The following ZAN variants were observed in gnomAD, a reference collection of about 807,000 sequenced individuals.
ZAN encodes the protein zonadhesin (gene/pseudogene).
A neutral mutation model predicts 286.2 loss-of-function variants in ZAN; 260 were observed. The ratio of observed to expected loss-of-function variants is 0.91; its 90% confidence interval spans 0.82 to 1.01. ZAN has a LOEUF of 1.01. ZAN is among the 50% of genes least tolerant of loss of function. The pLI is 0.00. For missense variants in ZAN, 3,410 were observed against 3,639.2 expected, an observed-to-expected ratio of 0.94 and a Z score of 1.62; for synonymous variants, 1,368 against 1,417.5, an observed-to-expected ratio of 0.97 and a Z score of 0.79.
chr7:100,766,780 G>GAGGGGCAGC, intron 24 of ZAN, 114 bp downstream of exon 24: 8 of 1,457,758 alleles, frequency 5.5e-6, no homozygotes, highest in Non-Finnish European at 6.4e-6. Flanking sequence ...CAGGGCCTGG[G>GAGGGGCAGC]AGGGGCAGCA....
In ZAN at chr7:100,787,982, T is replaced by C; in HGVS notation, c.7073T>C (p.Ile2358Thr). The change falls in exon 38 of 48, where the codon ATC becomes ACC. Residue 2358 changes from isoleucine to threonine, a missense_variant. By Grantham distance (89) the Ile-to-Thr change is moderately conservative. Transcript: ENST00000613979. Reference protein sequence around the residue: ...RLQGRMTYVLIKTVDVLPEGV... With the variant: ...RLQGRMTYVLTKTVDVLPEGV... Reference sequence around the variant, plus strand: ...CAAGGCCGCATGACCTATGTTCTGATCAAGACTGTGGACGTACTGCCTGAG... The same window carrying C: ...CAAGGCCGCATGACCTATGTTCTGACCAAGACTGTGGACGTACTGCCTGAG... 2.0e-6 allele frequency: 3 copies of C among 1,520,536 alleles called. No homozygotes were observed. The highest frequency in any genetic ancestry group is 1.8e-6 in the Non-Finnish European group (2 of 1,107,488). 94.2% of individuals were successfully genotyped at this position (1,520,536 alleles called of 1,614,324 possible).
At chr7:100,750,261 C>T (rs1223298997) in intron 11 of ZAN, among the ~76,000 whole-genome samples, 1 of 151,858 alleles carries the variant, frequency 6.6e-6, no homozygotes, top group Non-Finnish European at 1.5e-5. Context: ...CTCAGACTCC[C>T]GAGTAGCTGG....
In ZAN at chr7:100,750,579, G is replaced by A. The variant is rs765078316; in HGVS notation, c.1250-46G>A. 5.6e-6 allele frequency: 9 copies of A among 1,601,542 alleles called. No homozygotes were observed. The East Asian group carries it at 1.6e-4, about 28-fold the overall frequency. On this transcript the variant is annotated intron_variant, in intron 11 of 47. Coordinates refer to ENST00000613979, the MANE Select transcript of ZAN (RefSeq NM_003386.3). ...GCTTTGCTAAAGCAGCAGTTGGCAT[G>A]TCCTGTGCAGGCTTCTTACCTTGCC... is the stretch of plus-strand genomic sequence containing the variant.
chr7:100,783,560 C>A (rs1345080228), intron 35 of ZAN, among the ~76,000 whole-genome samples: 1 of 148,546 alleles, frequency 6.7e-6, no homozygotes, highest in Non-Finnish European at 1.5e-5. Flanking sequence ...ATGGTGAAAC[C>A]CCATCTCTAC....
At position 100,765,455 on chromosome 7, in the gene ZAN, G is replaced by A. The variant is rs779534407; in HGVS notation, c.4371G>A (p.Val1457=). ...GCATGTTCTGCTCAGACCGGTGCGT[G>A]GAGGCCTGTGAATGCAATCCGGGCT... ...FSGMFCSDRC[V]EACECNPGFV... is the part of the protein sequence containing the mutation. Residue 1457 remains valine, a synonymous_variant, in exon 23 of 48, where the codon GTG becomes GTA. Transcript: ENST00000613979. The A allele has an allele frequency of 2.5e-6, 4 of 1,613,716 alleles. No individual in the cohort carries two copies. Among genetic ancestry groups the A allele is most frequent in the Non-Finnish European group, 3.4e-6 (4 of 1,179,806 alleles).
At chr7:100,779,947 C>T (rs2116220594) in intron 35 of ZAN, among the ~76,000 whole-genome samples, 197 bp downstream of exon 35, 1 of 152,248 alleles carries the variant, frequency 6.6e-6, no homozygotes, top group Admixed American at 6.5e-5. Context: ...ATAATCCCAG[C>T]ACTTGGGGAG....
intron 22 of ZAN, 30 bp downstream of exon 22, chr7:100,764,226 CG>C: frequency 6.7e-7 from 1 of 1,486,774 alleles, no homozygotes. Context: ...GAGGAGAGGC[CG>C]GGCACGGTGG....
Position 100,789,200 on chromosome 7 carries a change from C to T in ZAN, c.7228-18C>T, listed in dbSNP as rs759214433. ...GGAGGATTCAGCCCTGTCTGTGGCT[C>T]CTGTCTTCCCTCTTTAGGTCAACAA... On this transcript the variant is annotated intron_variant, in intron 38 of 47. Coordinates refer to ENST00000613979, the MANE Select transcript of ZAN (RefSeq NM_003386.3). 6.2e-7 allele frequency: 1 copy of T among 1,609,900 alleles called. No individual in the cohort carries two copies. The highest frequency in any genetic ancestry group is 1.1e-5 in the South Asian group (1 of 90,740).
chr7:100,784,715 A>G lies in ZAN; in HGVS notation c.6715A>G (p.Lys2239Glu). 1.9e-6 allele frequency: 3 copies of G among 1,613,924 alleles called. No individual in the cohort carries two copies. Among genetic ancestry groups the G allele is most frequent in the South Asian group, 1.1e-5 (1 of 91,086 alleles). Reference protein sequence around the residue: ...WDLDGRCEGAKVPSACAEGCI... With the variant: ...WDLDGRCEGAEVPSACAEGCI... ...CCTGGATGGCCGGTGTGAGGGCGCC[A>G]AAGTCCCCTCTGCCTGCGCTGAGGG... is the stretch of plus-strand genomic sequence containing the variant. The change falls in exon 36 of 48, where the codon AAA becomes GAA. Residue 2239 changes from lysine to glutamate, a missense_variant. Around this residue, in one of 7 missense-constraint regions of ZAN, gnomAD observed 1,289 missense variants for 1,314.3 expected, o/e 0.98. Transcript: ENST00000613979.
At chr7:100,745,159 C>T (rs1019498358) in intron 7 of ZAN, among the ~76,000 whole-genome samples, 1 of 151,848 alleles carries the variant, frequency 6.6e-6, no homozygotes, top group Non-Finnish European at 1.5e-5. Context: ...GCTGGGATTA[C>T]AGGCGTGAGC....
At chr7:100,758,100 A>T (rs1419923395) in intron 15 of ZAN, 102 bp from the exon 16 acceptor site, 10 of 872,262 alleles carry the variant, frequency 1.1e-5, no homozygotes, top group Non-Finnish European at 1.5e-5. Context: ...AAATAAATAA[A>T]TAAATAAATA....
Position 100,786,043 on chromosome 7 carries a change from G to C in ZAN, c.6881G>C (p.Cys2294Ser), listed in dbSNP as rs760294192. 1.4e-5 allele frequency: 22 copies of C among 1,613,866 alleles called. No homozygotes were observed. In the South Asian group the frequency reaches 1.8e-4, roughly 13 times the overall value. Residue 2294 changes from cysteine to serine, a missense_variant, in exon 37 of 48, where the codon TGC becomes TCC. Around this residue, in one of 7 missense-constraint regions of ZAN, gnomAD observed 1,289 missense variants for 1,314.3 expected, o/e 0.98. Transcript: ENST00000613979. Reference sequence around the variant, plus strand: ...AGCGGTTGCACGGAGAAGTGTGTCTGCACGGGAGGAGCCATTCAGTGCGGG... The same window carrying C: ...AGCGGTTGCACGGAGAAGTGTGTCTCCACGGGAGGAGCCATTCAGTGCGGG... ...VSSGCTEKCVCTGGAIQCGDF... is the reference protein window; with the variant it reads ...VSSGCTEKCVSTGGAIQCGDF...
At chr7:100,767,777 T>C (rs1810094303) in intron 25 of ZAN, 54 bp from the exon 26 acceptor site, 1 of 1,567,912 alleles carries the variant, frequency 6.4e-7, no homozygotes, top group African/African-American at 1.4e-5. Context: ...CGTCCTTGCC[T>C]TTATCCCGAG....
chr7:100,751,153 T>C (rs1808633938), intron 12 of ZAN, 29 bp from the exon 13 acceptor site: 1 of 1,547,658 alleles, frequency 6.5e-7, no homozygotes, highest in African/African-American at 1.4e-5. Flanking sequence ...TTTGTTTCTC[T>C]CTCCGTCTCT....
In ZAN at chr7:100,773,324, G is replaced by GCCCCTA; in HGVS notation, c.5466_5467insCCCTAC (p.Ser1822_Ser1823insProTyr). On this transcript the variant is annotated inframe_insertion, in exon 30 of 48. Transcript: ENST00000613979. ...CCTGGCAGCAGCTACAGCCCCTGCA[G>GCCCCTA]CAGCCCCTGCCCAGACACCTGCAGC... The GCCCCTA allele has an allele frequency of 6.2e-7, 1 of 1,613,880 alleles. No individual in the cohort carries two copies. The highest frequency in any genetic ancestry group is 8.5e-7 in the Non-Finnish European group (1 of 1,179,890).
intron 34 of ZAN, among the ~76,000 whole-genome samples, chr7:100,777,311 C>G (rs1324375348): frequency 1.3e-5 from 2 of 152,016 alleles, no homozygotes; most frequent in African/African-American, 4.8e-5. Context: ...TCCCGAAGTG[C>G]TGGGTAATCA....
At position 100,776,492 on chromosome 7, in the gene ZAN, T is replaced by C; in HGVS notation, c.6245T>C (p.Met2082Thr). 6.3e-7 allele frequency: 1 copy of C among 1,596,386 alleles called. No homozygotes were observed. Among genetic ancestry groups the C allele is most frequent in the Non-Finnish European group, 8.5e-7 (1 of 1,171,318 alleles). Residue 2082 changes from methionine (M) to threonine (T), a missense_variant, in exon 34 of 48, where the codon ATG becomes ACG. This residue lies in a region of ZAN where 1,289 missense variants were observed against 1,314.3 expected (regional missense o/e 0.98). Transcript: ENST00000613979. ...FNDEEEDELM[M>T]PSDEVANSDS... ...GATGAGGAAGAGGACGAACTAATGA[T>C]GCCCAGCGATGAAGTAGCAAATAGT...
At position 100,764,162 on chromosome 7, in the gene ZAN, C is replaced by T. The variant is rs570054961; in HGVS notation, c.4233C>T (p.His1411=). Reference sequence around the variant, plus strand: ...CCACCACCTGCCAGGACGCAGGCCACGCTGTGAAGCCCTGGAGGGAACCCC... The same window carrying T: ...CCACCACCTGCCAGGACGCAGGCCATGCTGTGAAGCCCTGGAGGGAACCCC... The part of the protein sequence containing the change: ...TMTTTCQDAG[H]AVKPWREPHF... The change falls in exon 22 of 48, where the codon CAC becomes CAT. Residue 1411 remains histidine (H), a synonymous_variant. Coordinates refer to ENST00000613979, the MANE Select transcript of ZAN (RefSeq NM_003386.3). The T allele has an allele frequency of 6.4e-5, 102 of 1,601,342 alleles. No individual in the cohort carries two copies. The highest frequency in any genetic ancestry group is 7.9e-5 in the Non-Finnish European group (93 of 1,174,496).
intron 20 of ZAN, 60 bp downstream of exon 20, chr7:100,762,418 T>TA: frequency 3.3e-4 from 391 of 1,167,716 alleles, no homozygotes; most frequent in Middle Eastern, 5.5e-4. Flanking sequence ...CCTGGAACTC[T>TA]CTTTTTTTTT....
Sources: gnomAD v4.1 joint callset for allele counts (sites outside exome capture counted in the v4.1 genomes callset) on GRCh38, gnomAD v4.1.1 for gene constraint, gnomAD v4.1.1 regional missense constraint, MANE v1.5 for transcripts, NCBI Gene and HGNC (gene_info 2026-07-23, HGNC 2026-07-21) for gene names.